The following CIP2A variants were observed in gnomAD, a reference collection of about 807,000 sequenced individuals.
CIP2A encodes cellular inhibitor of PP2A, also known as protein CIP2A.
In CIP2A, 103 loss-of-function variants were observed where a neutral mutation model predicts 110.9. That is an observed-to-expected ratio of 0.93 (90% CI 0.79 to 1.09). The LOEUF (loss-of-function observed/expected upper bound fraction) is 1.09, where lower values mean the gene tolerates loss of function less well. Among genes scored for constraint, CIP2A ranks in the 50% least tolerant of loss-of-function variants. The probability of loss-of-function intolerance (pLI) is 0.00; values close to 1 mark genes in which losing one functional copy is unlikely to be tolerated. For missense variants in CIP2A, 1,088 were observed against 1,038.4 expected (o/e 1.05, Z -0.66); for synonymous variants, 381 against 361.6 (o/e 1.05, Z -0.61).
chr3:108,565,872 C>A (rs1559693962), intron 11 of CIP2A, among the ~76,000 whole-genome samples: 1 of 151,632 alleles, frequency 6.6e-6, no homozygotes, highest in Non-Finnish European at 1.5e-5. Context: ...AAGTAGTATA[C>A]AAATATAAAA....
chr3:108,570,814 T>C (rs928856360), intron 8 of CIP2A, among the ~76,000 whole-genome samples: 10 of 152,144 alleles, frequency 6.6e-5, no homozygotes, highest in African/African-American at 2.2e-4. Context: ...TTAAAATTTC[T>C]CTAATAAATT....
chr3:108,563,057 G>T, intron 13 of CIP2A, 69 bp downstream of exon 13: 1 of 935,018 alleles, frequency 1.1e-6, no homozygotes, highest in East Asian at 2.4e-5. Context: ...TATCTATACT[G>T]AGGACTAAAG....
At position 108,560,813 on chromosome 3, in the gene CIP2A, C is replaced by A; in HGVS notation, c.1663G>T (p.Ala555Ser). ...VLGESIAANN[A>S]YRQQETEHIP... ...TGTTCTGTTTCCTGTTGTCTATAGG[C>A]ATTGTTTGCTGCTATACTTTCTCCA... Residue 555 changes from alanine to serine, a missense_variant, in exon 14 of 21, where the codon GCC (alanine) becomes TCC (serine). Transcript: ENST00000295746. 2 of 1,605,184 alleles carry A rather than the reference C, an allele frequency of 1.2e-6. No homozygotes were observed. The highest frequency in any genetic ancestry group is 2.2e-5 in the South Asian group (2 of 89,012).
chr3:108,561,094 G>C (rs973329308), intron 13 of CIP2A, among the ~76,000 whole-genome samples: 3 of 152,154 alleles, frequency 2.0e-5, no homozygotes, highest in Non-Finnish European at 4.4e-5. Context: ...ACTAGTTTAT[G>C]AGTGTGGATT....
Position 108,559,846 on chromosome 3 carries a change from C to G in CIP2A, c.1924G>C (p.Asp642His). ...GCTAGAGCTTTTGTTTCCAAAAGAT[C>G]TTGTAGCCTGCTTTCTTTGGACTAC... Reference protein sequence around the residue: ...TLASKESRLQDLLETKALALA... With the variant: ...TLASKESRLQHLLETKALALA... The change falls in exon 16 of 21, where the codon GAT becomes CAT. Residue 642 changes from aspartate (D) to histidine (H), a missense_variant. Transcript: ENST00000295746. The G allele has an allele frequency of 6.2e-7, 1 of 1,607,584 alleles. No homozygotes were observed. Among genetic ancestry groups the G allele is most frequent in the Non-Finnish European group, 8.5e-7 (1 of 1,175,414 alleles).
chr3:108,575,222 T>C (rs532516591), intron 8 of CIP2A, among the ~76,000 whole-genome samples: 1 of 152,182 alleles, frequency 6.6e-6, no homozygotes, highest in African/African-American at 2.4e-5. Context: ...AAACGTATTA[T>C]ATGCTTTTAT....
chr3:108,554,606 G>A, intron 17 of CIP2A, 117 bp from the exon 18 acceptor site: 1 of 552,764 alleles, frequency 1.8e-6, no homozygotes, highest in East Asian at 3.1e-5. Context: ...TGCTGGAAGA[G>A]AAGGAATGTT....
chr3:108,579,462 A>T, intron 6 of CIP2A, 36 bp from the exon 7 acceptor site: 1 of 1,575,884 alleles, frequency 6.3e-7, no homozygotes, highest in Non-Finnish European at 8.6e-7. Flanking sequence ...ATTAGACAAA[A>T]AATTAAGTTG....
intron 8 of CIP2A, among the ~76,000 whole-genome samples, chr3:108,570,085 C>T (rs975768664): frequency 1.3e-5 from 2 of 152,002 alleles, no homozygotes; most frequent in Non-Finnish European, 2.9e-5. Flanking sequence ...CATTATGACC[C>T]TTAGCTCTCC....
At chr3:108,580,107 T>C (rs1487432555) in intron 5 of CIP2A, among the ~76,000 whole-genome samples, 1 of 152,226 alleles carries the variant, frequency 6.6e-6, no homozygotes, top group African/African-American at 2.4e-5. Context: ...TTAGCATTTG[T>C]GTTAACAAAA....
intron 8 of CIP2A, among the ~76,000 whole-genome samples, chr3:108,573,377 G>C (rs1052264533): frequency 2.6e-5 from 4 of 151,530 alleles, no homozygotes; most frequent in Non-Finnish European, 5.9e-5. Context: ...GATGTATTTT[G>C]CTTTCACTTC....
In CIP2A at chr3:108,575,320, G is replaced by A. The variant is rs1316956235; in HGVS notation, c.894+951C>T. On this transcript the variant is annotated intron_variant, in intron 8 of 20. Coordinates refer to ENST00000295746, the MANE Select transcript of CIP2A (RefSeq NM_020890.3). ...CACGTGTACGTACACACACGTGCAT[G>A]TACACACACGTGTATATATACATAT... Among the ~76,000 whole-genome samples, 7 of 143,268 alleles carry A rather than the reference G, an allele frequency of 4.9e-5. No individual in the cohort carries two copies. In the South Asian group the frequency reaches 1.3e-3, roughly 26 times the overall value. 94.0% of individuals were successfully genotyped at this position (143,268 alleles called of 152,430 possible). A position where few individuals can be genotyped will look rare whatever the true frequency, so the allele number is the denominator to read the frequency against.
intron 13 of CIP2A, among the ~76,000 whole-genome samples, chr3:108,561,092 A>T (rs1431558288): frequency 6.6e-6 from 1 of 152,172 alleles, no homozygotes; most frequent in African/African-American, 2.4e-5. Flanking sequence ...AGACTAGTTT[A>T]TGAGTGTGGA....
chr3:108,585,267 C>T, intron 1 of CIP2A, 55 bp from the exon 2 acceptor site: 1 of 1,468,184 alleles, frequency 6.8e-7, no homozygotes, highest in Non-Finnish European at 9.2e-7. Flanking sequence ...TTCATCTCTT[C>T]TCCATTTCAA....
chr3:108,559,056 T>C (rs930401673), intron 16 of CIP2A, among the ~76,000 whole-genome samples: 1 of 152,098 alleles, frequency 6.6e-6, no homozygotes, highest in Non-Finnish European at 1.5e-5. Context: ...TGACTGGCTG[T>C]AGAGTATCTG....
intron 20 of CIP2A, 74 bp from the exon 21 acceptor site, chr3:108,551,393 T>G (rs922092734): frequency 9.5e-7 from 1 of 1,054,228 alleles, no homozygotes; most frequent in African/African-American, 1.6e-5. Flanking sequence ...TATACATATA[T>G]TTTAAGATGC....
Position 108,581,629 on chromosome 3 carries a change from C to T in CIP2A, c.453-118G>A, listed in dbSNP as rs141686931. 3,387 of 592,952 alleles carry T rather than the reference C, an allele frequency of 5.7e-3. 30 individuals are homozygous for T. Among genetic ancestry groups the T allele is most frequent in the Non-Finnish European group, 6.7e-3 (2,298 of 341,008 alleles). The allele number at this position is 592,952 out of a possible 1,614,324, so 36.7% of individuals were successfully genotyped here. A position where few individuals can be genotyped will look rare whatever the true frequency, so the allele number is the denominator to read the frequency against. ...TTATACATTTCAATTCCCTTTTACA[C>T]GCAAAAAAAAAAACTAATTAACATA... On this transcript the variant is annotated intron_variant, in intron 4 of 20. Coordinates refer to ENST00000295746, the MANE Select transcript of CIP2A (RefSeq NM_020890.3).
intron 10 of CIP2A, among the ~76,000 whole-genome samples, chr3:108,566,887 T>C (rs1353082334): frequency 6.6e-6 from 1 of 151,822 alleles, no homozygotes; most frequent in Non-Finnish European, 1.5e-5. Context: ...CCATTGGATG[T>C]CTGTTTTTTG....
In CIP2A at chr3:108,583,064, T is replaced by C. The variant is rs769815230; in HGVS notation, c.270A>G (p.Arg90=). ...GATTATATGTATTCTGAAGACAATC[T>C]CTGGTTTCAATGTCTACTGCTATAA... ...LSQLAVDIET[R]DCLQNTYNLN... is the part of the protein sequence containing the mutation. The change falls in exon 3 of 21, where the codon AGA becomes AGG. Residue 90 remains arginine, a synonymous_variant. Transcript: ENST00000295746. The C allele has an allele frequency of 6.3e-7, 1 of 1,597,598 alleles. No homozygotes were observed. The highest frequency in any genetic ancestry group is 1.7e-5 in the Admixed American group (1 of 58,060).
Sources: gnomAD v4.1 joint callset for allele counts (sites outside exome capture counted in the v4.1 genomes callset) on GRCh38, gnomAD v4.1.1 for gene constraint, MANE v1.5 for transcripts, NCBI Gene and HGNC (gene_info 2026-07-23, HGNC 2026-07-21) for gene names.